The following ABCB1 variants were observed in gnomAD, a reference collection of about 807,000 sequenced individuals.
ABCB1 encodes the protein ATP binding cassette subfamily B member 1, also known as ATP-dependent translocase ABCB1.
In ABCB1, 69 loss-of-function variants were observed where a neutral mutation model predicts 142.0. That is an observed-to-expected ratio of 0.49 (90% confidence interval 0.40 to 0.59). ABCB1 has a LOEUF of 0.59. ABCB1 is among the 20% of genes least tolerant of loss of function. ABCB1 has a pLI of 0.00. For synonymous variants in ABCB1, 532 were observed against 539.2 expected, an observed-to-expected ratio of 0.99 and a Z score of 0.18; for missense variants, 1,326 against 1,554.7, an observed-to-expected ratio of 0.85 and a Z score of 2.47.
At chr7:87,595,693 A>G in intron 3 of ABCB1, 73 bp downstream of exon 3, 1 of 1,227,890 alleles carries the variant, frequency 8.1e-7, no homozygotes, top group Non-Finnish European at 1.2e-6. Flanking sequence ...CATCAGATGA[A>G]ATATCTCTTT....
chr7:87,543,957 G>A (rs549633051), intron 17 of ABCB1, among the ~76,000 whole-genome samples, 172 bp downstream of exon 17: 1 of 152,326 alleles, frequency 6.6e-6, no homozygotes, highest in Admixed American at 6.5e-5. Flanking sequence ...CACAAAGTTA[G>A]CTCTCCTATC....
At chr7:87,659,550 A>G (rs1169682245) in intron 1 of ABCB1, among the ~76,000 whole-genome samples, 1 of 152,108 alleles carries the variant, frequency 6.6e-6, no homozygotes, top group Admixed American at 6.6e-5. Context: ...ACCACATTAG[A>G]CAGTGTTATA....
At position 87,585,676 on chromosome 7, in the gene ABCB1, C is replaced by T. The variant is rs199551851; in HGVS notation, c.122G>A (p.Arg41His). The T allele has an allele frequency of 3.1e-5, 50 of 1,613,230 alleles. No homozygotes were observed. The highest frequency in any genetic ancestry group is 3.7e-5 in the Non-Finnish European group (44 of 1,179,730). ...KPTVSVFSMF[R>H]YSNWLDKLYM... The stretch of plus-strand genomic sequence containing the variant: ...CAACTTGTCAAGCCAATTTGAATAG[C>T]GAAACTAAAAAGAGAGAAAAAAGAA... Residue 41 changes from arginine (R) to histidine (H), a missense_variant, in exon 4 of 28, where the codon CGC becomes CAC. By Grantham distance (29) the Arg-to-His change is conservative. Transcript: ENST00000622132.
intron 1 of ABCB1, among the ~76,000 whole-genome samples, chr7:87,712,597 G>T (rs185401345): frequency 6.6e-6 from 1 of 152,022 alleles, no homozygotes; most frequent in Non-Finnish European, 1.5e-5. Context: ...AAATGATTGG[G>T]TGGGGTAGAA....
chr7:87,703,279 G>A (rs1829256077), intron 1 of ABCB1, among the ~76,000 whole-genome samples: 1 of 147,986 alleles, frequency 6.8e-6, no homozygotes, highest in Admixed American at 6.7e-5. Context: ...GAAAATTTTT[G>A]TTCAGCAAAA....
At chr7:87,656,062 G>C (rs1824072010) in intron 1 of ABCB1, among the ~76,000 whole-genome samples, 1 of 151,982 alleles carries the variant, frequency 6.6e-6, no homozygotes, top group Non-Finnish European at 1.5e-5. Flanking sequence ...CCAGCCTCTA[G>C]AACTATGAGA....
At chr7:87,637,343 G>C (rs1821882829) in intron 1 of ABCB1, among the ~76,000 whole-genome samples, 1 of 152,126 alleles carries the variant, frequency 6.6e-6, no homozygotes, top group South Asian at 2.1e-4. Context: ...ATTATGTCTT[G>C]ATGTGTGGTA....
At chr7:87,650,686 A>G (rs1232577216) in intron 1 of ABCB1, 2 of 623,472 alleles carry the variant, frequency 3.2e-6, no homozygotes, top group Non-Finnish European at 5.8e-6. Context: ...AAATTTGAAT[A>G]AATGGGGTTT....
intron 1 of ABCB1, among the ~76,000 whole-genome samples, chr7:87,679,071 T>C (rs2130574999): frequency 7.4e-6 from 1 of 135,426 alleles, no homozygotes; most frequent in Admixed American, 7.7e-5. Context: ...CAACTGACAT[T>C]TATAAAACAC....
At chr7:87,692,176 C>A (rs1025658791) in intron 1 of ABCB1, among the ~76,000 whole-genome samples, 1 of 152,104 alleles carries the variant, frequency 6.6e-6, no homozygotes, top group Non-Finnish European at 1.5e-5. Flanking sequence ...CTAGGCCAGG[C>A]ATGGTGGCTC....
chr7:87,626,283 G>GTGTCATATATGTGTCATATATATC (rs1820512324), intron 1 of ABCB1, among the ~76,000 whole-genome samples: 9 of 52,674 alleles, frequency 1.7e-4, no homozygotes, highest in Non-Finnish European at 3.2e-4. Flanking sequence ...TCATATATAT[G>GTGTCATATATGTGTCATATATATC]TGTCATATAT....
chr7:87,690,579 G>T (rs1348257657), intron 1 of ABCB1, among the ~76,000 whole-genome samples: 4 of 152,074 alleles, frequency 2.6e-5, no homozygotes, highest in African/African-American at 9.7e-5. Context: ...GTTAAAAGAT[G>T]AAAAATGCTG....
chr7:87,527,736 T>C (rs990197636), intron 21 of ABCB1, among the ~76,000 whole-genome samples: 6 of 152,196 alleles, frequency 3.9e-5, no homozygotes, highest in Non-Finnish European at 7.3e-5. Flanking sequence ...GCTGAGATTG[T>C]TAGTGTCACT....
chr7:87,519,264 A>T (rs768951643), intron 23 of ABCB1, 62 bp downstream of exon 23: 20 of 1,510,574 alleles, frequency 1.3e-5, no homozygotes, highest in Non-Finnish European at 1.7e-5. Context: ...CTATCTAGAC[A>T]TGAAGCATGT....
chr7:87,553,804 G>T lies in ABCB1; in HGVS notation c.956C>A (p.Thr319Asn), dbSNP rs753790377. 11 of 1,613,916 alleles carry T rather than the reference G, an allele frequency of 6.8e-6. No individual in the cohort carries two copies. In the South Asian group the frequency reaches 7.7e-5, roughly 11 times the overall value. ...SYALAFWYGTTLVLSGEYSIG... is the reference protein window; with the variant it reads ...SYALAFWYGTNLVLSGEYSIG... ...AGAATATTCCCCTGAGAGGACCAAG[G>T]TGGTCCCATACCAGAAGGCCAGAGC... Residue 319 changes from threonine to asparagine, a missense_variant, in exon 9 of 28, where the codon ACC (threonine) becomes AAC (asparagine). By Grantham distance (65) the Thr-to-Asn change is moderately conservative. Transcript: ENST00000622132.
intron 4 of ABCB1, among the ~76,000 whole-genome samples, chr7:87,572,558 G>A (rs912097641): frequency 3.9e-5 from 6 of 152,058 alleles, no homozygotes; most frequent in Non-Finnish European, 7.4e-5. Context: ...TAAAAATTGG[G>A]CATTCAACAA....
intron 15 of ABCB1, 65 bp downstream of exon 15, chr7:87,545,798 A>G: frequency 1.3e-6 from 2 of 1,510,510 alleles, no homozygotes; most frequent in Non-Finnish European, 1.8e-6. Context: ...ATTTATTTTT[A>G]GCATTAAATG....
At chr7:87,535,338 A>ATTTT (rs143639915) in intron 20 of ABCB1, among the ~76,000 whole-genome samples, 5 of 144,318 alleles carry the variant, frequency 3.5e-5, no homozygotes, top group East Asian at 2.0e-4. Context: ...TCTTCTTTGC[A>ATTTT]TTTTTTTTTT....
At chr7:87,565,080 T>C (rs573791058) in intron 7 of ABCB1, among the ~76,000 whole-genome samples, 1 of 152,356 alleles carries the variant, frequency 6.6e-6, no homozygotes, top group Admixed American at 6.5e-5. Context: ...AGATAATACC[T>C]ATACTTCAGA....
Sources: gnomAD v4.1 joint callset for allele counts (sites outside exome capture counted in the v4.1 genomes callset) on GRCh38, gnomAD v4.1.1 for gene constraint, MANE v1.5 for transcripts, NCBI Gene and HGNC (gene_info 2026-07-23, HGNC 2026-07-21) for gene names.